The following SVEP1 variants were observed in gnomAD, a reference collection of about 807,000 sequenced individuals.
SVEP1 encodes the protein sushi, von Willebrand factor type A, EGF and pentraxin domain-containing protein 1.
In SVEP1, 164 loss-of-function variants were observed where a neutral mutation model predicts 367.3. That is an observed-to-expected ratio of 0.45 (90% CI 0.39 to 0.51). The LOEUF is 0.51. Among genes scored for constraint, SVEP1 ranks in the 20% least tolerant of loss-of-function variants. The probability of loss-of-function intolerance (pLI) is 0.00; values close to 1 mark genes in which losing one functional copy is unlikely to be tolerated. For synonymous variants in SVEP1, 1,666 were observed against 1,611.6 expected, an observed-to-expected ratio of 1.03 and a Z score of -0.81; for missense variants, 4,117 against 4,425.3, an observed-to-expected ratio of 0.93 and a Z score of 1.98.
chr9:110,470,098 T>C (rs1457575969), intron 16 of SVEP1, among the ~76,000 whole-genome samples: 4 of 152,094 alleles, frequency 2.6e-5, no homozygotes, highest in African/African-American at 9.7e-5. Context: ...TACAGGAGAT[T>C]TCCTTATCTA....
At chr9:110,540,934 CAATT>C (rs533088287) in intron 3 of SVEP1, among the ~76,000 whole-genome samples, 3 of 152,252 alleles carry the variant, frequency 2.0e-5, no homozygotes, top group East Asian at 3.9e-4. Flanking sequence ...TTTGAAGACT[CAATT>C]AACCCAGACC....
At chr9:110,484,321 GGA>G (rs759101418) in intron 9 of SVEP1, among the ~76,000 whole-genome samples, 2 of 152,144 alleles carry the variant, frequency 1.3e-5, no homozygotes, top group Non-Finnish European at 2.9e-5. Flanking sequence ...AGTGAGGAAA[GGA>G]GAGAGAGTAT....
chr9:110,450,285 C>T, intron 23 of SVEP1, 25 bp from the exon 24 acceptor site: 1 of 1,611,068 alleles, frequency 6.2e-7, no homozygotes, highest in Non-Finnish European at 8.5e-7. Flanking sequence ...GGAAGAGAAA[C>T]AGCCCAAATG....
chr9:110,370,088 G>C, intron 46 of SVEP1, 72 bp from the exon 47 acceptor site: 1 of 1,390,428 alleles, frequency 7.2e-7, no homozygotes, highest in South Asian at 1.3e-5. Flanking sequence ...AAGGCACGTA[G>C]GATAAGATTT....
intron 8 of SVEP1, among the ~76,000 whole-genome samples, chr9:110,491,616 T>TGTGTGC (rs1554719193): frequency 1.3e-5 from 2 of 151,346 alleles, no homozygotes; most frequent in African/African-American, 2.4e-5. Flanking sequence ...TGTGTGTGTG[T>TGTGTGC]GCAAATTTAT....
intron 43 of SVEP1, among the ~76,000 whole-genome samples, chr9:110,380,177 T>C (rs2118952359): frequency 6.6e-6 from 1 of 152,286 alleles, no homozygotes; most frequent in East Asian, 1.9e-4. Context: ...GACATATGCG[T>C]ATATTTAAAT....
chr9:110,500,576 G>C (rs557411037), intron 6 of SVEP1, among the ~76,000 whole-genome samples: 20 of 151,932 alleles, frequency 1.3e-4, no homozygotes, highest in Non-Finnish European at 2.6e-4. Context: ...AGGTTGTAAT[G>C]GTTTTATCTT....
Position 110,404,318 on chromosome 9 carries a change from G to A in SVEP1, c.9666+9C>T. 6.2e-7 allele frequency: 1 copy of A among 1,613,078 alleles called. No individual in the cohort carries two copies. The highest frequency in any genetic ancestry group is 8.5e-7 in the Non-Finnish European group (1 of 1,179,266). On this transcript the variant is annotated intron_variant, in intron 39 of 47. Coordinates refer to ENST00000374469, the MANE Select transcript of SVEP1 (RefSeq NM_153366.4). ...GGCATTACACATTCTAATTAAGACAGAATCTTACCTGACATACTGATATGT... is the reference window on the plus strand; with the variant it reads ...GGCATTACACATTCTAATTAAGACAAAATCTTACCTGACATACTGATATGT...
chr9:110,565,328 TTAAGGTCACTTAGGAC>T (rs1394823957), intron 1 of SVEP1, among the ~76,000 whole-genome samples: 2 of 152,220 alleles, frequency 1.3e-5, no homozygotes, highest in African/African-American at 4.8e-5. Flanking sequence ...AGAGTAATAC[TTAAGGTCACTTAGGAC>T]TAAAAGAAAA....
chr9:110,377,413 G>T, intron 44 of SVEP1, 47 bp from the exon 45 acceptor site: 2 of 1,557,668 alleles, frequency 1.3e-6, no homozygotes, highest in Non-Finnish European at 1.8e-6. Context: ...ATTATGAAGG[G>T]AAGGAGTCAG....
chr9:110,546,245 T>C lies in SVEP1; in HGVS notation c.834A>G (p.Ser278=), dbSNP rs41305611. The C allele has an allele frequency of 8.8e-6, 14 of 1,592,704 alleles. No individual in the cohort carries two copies. In the South Asian group the frequency reaches 1.5e-4, roughly 17 times the overall value. Residue 278 remains serine, a synonymous_variant, in exon 3 of 48, where the codon TCA becomes TCG. Transcript: ENST00000374469. ...SFIQDDMVHC[S]YLCDEGKDCC... The stretch of plus-strand genomic sequence containing the variant: ...AGTCCTTGCCTTCATCACAAAGATA[T>C]GAGCAGTGGACCATATCATCTTGAA...
chr9:110,374,806 C>T (rs1485208323), intron 46 of SVEP1, among the ~76,000 whole-genome samples: 1 of 152,158 alleles, frequency 6.6e-6, no homozygotes, highest in East Asian at 1.9e-4. Flanking sequence ...TACCATTCAA[C>T]CCAAGCAATC....
At position 110,407,203 on chromosome 9, in the gene SVEP1, A is replaced by G. The variant is rs1055821859; in HGVS notation, c.8397T>C (p.Tyr2799=). Residue 2799 remains tyrosine (Y), a synonymous_variant, in exon 38 of 48, where the codon TAT becomes TAC. Transcript: ENST00000374469. ...SNYTYLSTLY[Y]ECDPGYVLNG... ...TCAGCACATATCCGGGGTCACACTC[A>G]TAGTACAACGTGCTCAGGTATGTGT... 2 of 1,613,880 alleles carry G rather than the reference A, an allele frequency of 1.2e-6. No individual in the cohort carries two copies. Among genetic ancestry groups the G allele is most frequent in the South Asian group, 1.1e-5 (1 of 91,080 alleles).
intron 40 of SVEP1, among the ~76,000 whole-genome samples, chr9:110,391,002 AATT>A (rs1435014646): frequency 6.6e-6 from 1 of 151,850 alleles, no homozygotes; most frequent in East Asian, 1.9e-4. Context: ...ATTTAACAAT[AATT>A]ATTTCAGTAT....
chr9:110,437,788 C>A (rs1828453907), intron 27 of SVEP1, among the ~76,000 whole-genome samples: 1 of 152,148 alleles, frequency 6.6e-6, no homozygotes, highest in South Asian at 2.1e-4. Context: ...CCCTCACCCA[C>A]TTCTCACCCT....
intron 14 of SVEP1, among the ~76,000 whole-genome samples, chr9:110,473,401 T>A (rs1224378934): frequency 2.6e-5 from 4 of 152,162 alleles, no homozygotes; most frequent in Non-Finnish European, 5.9e-5. Context: ...ACTGTGAATG[T>A]ATAAATATAC....
At chr9:110,523,135 C>G (rs1829897419) in intron 3 of SVEP1, among the ~76,000 whole-genome samples, 1 of 151,974 alleles carries the variant, frequency 6.6e-6, no homozygotes, top group South Asian at 2.1e-4. Context: ...CTTACTCTTA[C>G]TTGTCTTGCC....
intron 27 of SVEP1, among the ~76,000 whole-genome samples, chr9:110,440,804 C>G (rs1828500660): frequency 6.6e-6 from 1 of 152,158 alleles, no homozygotes; most frequent in Admixed American, 6.5e-5. Flanking sequence ...CCTGAGGTCC[C>G]CTCTTCCATT....
chr9:110,516,197 A>C (rs937080944), intron 3 of SVEP1, among the ~76,000 whole-genome samples: 1 of 149,710 alleles, frequency 6.7e-6, no homozygotes, highest in Non-Finnish European at 1.5e-5. Flanking sequence ...ACTAAAATAT[A>C]AAATAAAAAT....
Sources: gnomAD v4.1 joint callset for allele counts (sites outside exome capture counted in the v4.1 genomes callset) on GRCh38, gnomAD v4.1.1 for gene constraint, MANE v1.5 for transcripts, NCBI Gene and HGNC (gene_info 2026-07-23, HGNC 2026-07-21) for gene names.